Variants in ZFYVE16 observed in about 807,000 individuals in gnomAD.
ZFYVE16 encodes zinc finger FYVE-type containing 16.
Under a neutral mutation model 138.1 loss-of-function variants are expected in ZFYVE16, and 89 were observed. The ratio of observed to expected loss-of-function variants is 0.64; its 90% confidence interval spans 0.54 to 0.77. The LOEUF (loss-of-function observed/expected upper bound fraction) is 0.77, where lower values mean the gene tolerates loss of function less well. Ranked by LOEUF, ZFYVE16 falls within the 30% of genes least tolerant of loss-of-function variation. The pLI is 0.00. For missense variants in ZFYVE16, 1,793 were observed against 1,786.7 expected, an observed-to-expected ratio of 1.00 and a Z score of -0.06; for synonymous variants, 596 against 618.3, an observed-to-expected ratio of 0.96 and a Z score of 0.53.
At chr5:80,465,400 G>GTTTTTTTTTTCTTTTTTTTTT (rs1753601956) in intron 15 of ZFYVE16, among the ~76,000 whole-genome samples, 1 of 26,780 alleles carries the variant, frequency 3.7e-5, no homozygotes, top group African/African-American at 1.0e-4. Context: ...CCTTTTCTTT[G>GTTTTTTTTTTCTTTTTTTTTT]TTTTTTTTTT....
At chr5:80,455,544 A>C (rs1304840392) in intron 11 of ZFYVE16, 148 bp from the exon 12 acceptor site, 2 of 695,672 alleles carry the variant, frequency 2.9e-6, no homozygotes, top group African/African-American at 3.8e-5. Flanking sequence ...AAAAACAAAA[A>C]AAAAATTATC....
intron 7 of ZFYVE16, among the ~76,000 whole-genome samples, chr5:80,446,257 G>T (rs761753565): frequency 3.3e-5 from 5 of 151,840 alleles, no homozygotes; most frequent in Non-Finnish European, 5.9e-5. Context: ...TCAGCTTCAG[G>T]ACCCCTTTAT....
In ZFYVE16 at chr5:80,474,817, T is replaced by C; in HGVS notation, c.4448T>C (p.Ile1483Thr). ...AATAAAATTGGACTCAGAGTTTCCA[T>C]TGACACTGATATGGTGAGGCATGTT... ...GMNKIGLRVSIDTDMVEFQAG... is the reference protein window; with the variant it reads ...GMNKIGLRVSTDTDMVEFQAG... Residue 1483 changes from isoleucine to threonine, a missense_variant, in exon 18 of 19, where the codon ATT becomes ACT. Coordinates refer to ENST00000505560, the MANE Select transcript of ZFYVE16 (RefSeq NM_001284236.3). 1.9e-6 allele frequency: 3 copies of C among 1,612,256 alleles called. No individual in the cohort carries two copies. The highest frequency in any genetic ancestry group is 2.5e-6 in the Non-Finnish European group (3 of 1,179,286).
chr5:80,455,472 T>A (rs1561308559), intron 11 of ZFYVE16: 5 of 445,384 alleles, frequency 1.1e-5, no homozygotes, highest in South Asian at 1.0e-4. Flanking sequence ...AAGTGGAGGT[T>A]GCAATGAGTC....
At chr5:80,461,918 G>C (rs1753164950) in intron 15 of ZFYVE16, among the ~76,000 whole-genome samples, 1 of 152,034 alleles carries the variant, frequency 6.6e-6, no homozygotes, top group Non-Finnish European at 1.5e-5. Flanking sequence ...GTTGCAGTGA[G>C]CTGAGATTGC....
At chr5:80,444,767 A>T (rs890728669) in intron 6 of ZFYVE16, among the ~76,000 whole-genome samples, 1 of 151,752 alleles carries the variant, frequency 6.6e-6, no homozygotes, top group African/African-American at 2.4e-5. Context: ...ATATATATAT[A>T]TGAAGAATAT....
In ZFYVE16 at chr5:80,477,239, T is replaced by G; in HGVS notation, c.4482T>G (p.Ser1494=). Residue 1494 remains serine (S), a synonymous_variant, in exon 19 of 19, where the codon TCT becomes TCG. Transcript: ENST00000505560. Reference sequence around the variant, plus strand: ...TCTAGGTTGAATTTCAGGCAGGATCTGAAGGCCAACTTCTGCCTCAGCATT... The same window carrying G: ...TCTAGGTTGAATTTCAGGCAGGATCGGAAGGCCAACTTCTGCCTCAGCATT... ...DTDMVEFQAG[S]EGQLLPQHYL... is the part of the protein sequence containing the mutation. The G allele has an allele frequency of 6.3e-7, 1 of 1,596,872 alleles. No individual in the cohort carries two copies.
At chr5:80,408,882 A>G (rs568358906) in intron 1 of ZFYVE16, among the ~76,000 whole-genome samples, 9 of 152,342 alleles carry the variant, frequency 5.9e-5, no homozygotes, top group East Asian at 3.9e-4. Context: ...TGTTGATTCA[A>G]TCAGATTCCT....
At chr5:80,416,926 A>G (rs1746343735) in intron 1 of ZFYVE16, among the ~76,000 whole-genome samples, 1 of 151,906 alleles carries the variant, frequency 6.6e-6, no homozygotes, top group Non-Finnish European at 1.5e-5. Context: ...GTTTATACTA[A>G]CCTGTATTAC....
At chr5:80,447,663 T>G (rs1156338244) in intron 7 of ZFYVE16, among the ~76,000 whole-genome samples, 3 of 152,162 alleles carry the variant, frequency 2.0e-5, no homozygotes, top group African/African-American at 7.2e-5. Flanking sequence ...ACCCAAGGGT[T>G]TTTGGCTATC....
rs1755280820 is a variant in ZFYVE16 at position 80,481,799 on chromosome 5, GAA to G, written c.*4426_*4427del. Reference sequence around the variant, plus strand: ...GGTTACCCAAATGTCAGAATTATCAGAAAAAGACTTAAAACTAGTTATTTTAT... The same window carrying G: ...GGTTACCCAAATGTCAGAATTATCAGAAAGACTTAAAACTAGTTATTTTAT... On this transcript the variant is annotated 3_prime_UTR_variant, in exon 19 of 19. Transcript: ENST00000505560. 6.6e-6 allele frequency among the ~76,000 whole-genome samples: 1 copy of G among 152,174 alleles called. No homozygotes were observed. The highest frequency in any genetic ancestry group is 2.4e-5 in the African/African-American group (1 of 41,554).
chr5:80,422,078 C>G (rs371631085), intron 1 of ZFYVE16, among the ~76,000 whole-genome samples: 1 of 152,142 alleles, frequency 6.6e-6, no homozygotes, highest in African/African-American at 2.4e-5. Flanking sequence ...GGAGTTCACT[C>G]ATGATTTGGC....
At chr5:80,426,203 TG>T (rs1180715922) in intron 1 of ZFYVE16, among the ~76,000 whole-genome samples, 1 of 8,410 alleles carries the variant, frequency 1.2e-4, no homozygotes, top group African/African-American at 1.5e-4. Context: ...GTGTGTGTGG[TG>T]TGTGTGTGTG....
At chr5:80,429,497 A>G (rs1748657112) in intron 2 of ZFYVE16, among the ~76,000 whole-genome samples, 1 of 152,334 alleles carries the variant, frequency 6.6e-6, no homozygotes, top group East Asian at 1.9e-4. Flanking sequence ...TGCAAAAAAC[A>G]TGCCAAATTG....
intron 15 of ZFYVE16, among the ~76,000 whole-genome samples, 191 bp from the exon 16 acceptor site, chr5:80,472,570 C>T (rs1754490941): frequency 1.9e-5 from 1 of 53,020 alleles, no homozygotes; most frequent in South Asian, 6.2e-4. Context: ...TTTGTTTTAA[C>T]CTTAAAAAAA....
chr5:80,450,404 A>G lies in ZFYVE16; in HGVS notation c.3227-27A>G, dbSNP rs143903418. On this transcript the variant is annotated intron_variant, in intron 9 of 18. Coordinates refer to ENST00000505560, the MANE Select transcript of ZFYVE16 (RefSeq NM_001284236.3). ...TTTTTGACTAATAGAAGTTGACATTAATAGTTATATTCTTTTATCATCTAA... is the reference window on the plus strand; with the variant it reads ...TTTTTGACTAATAGAAGTTGACATTGATAGTTATATTCTTTTATCATCTAA... 1.7e-4 allele frequency: 268 copies of G among 1,599,970 alleles called. 1 individual carries two copies. In the East Asian group the frequency reaches 5.9e-3, roughly 35 times the overall value.
Position 80,448,387 on chromosome 5 carries a change from C to A in ZFYVE16, c.3086C>A (p.Ser1029Tyr). The A allele has an allele frequency of 6.5e-7, 1 of 1,545,896 alleles. No individual in the cohort carries two copies. The highest frequency in any genetic ancestry group is 8.7e-7 in the Non-Finnish European group (1 of 1,150,188). The change falls in exon 8 of 19, where the codon TCT (serine) becomes TAT (tyrosine). Residue 1029 changes from serine (S) to tyrosine (Y), a missense_variant. By Grantham distance (144) the Ser-to-Tyr change is moderately radical. Transcript: ENST00000505560. ...EDSLPPLLVA[S>Y]GEKGSVPVVE... The stretch of plus-strand genomic sequence containing the variant: ...AGTTTGCCCCCACTTCTGGTTGCAT[C>A]TGGAGAAAAGGGATCAGGTAGGGAA...
At chr5:80,427,834 T>A (rs540980997) in intron 2 of ZFYVE16, among the ~76,000 whole-genome samples, 1 of 151,244 alleles carries the variant, frequency 6.6e-6, no homozygotes, top group African/African-American at 2.4e-5. Flanking sequence ...TAACTGAGCC[T>A]GGTGGCGCAC....
chr5:80,413,828 C>T (rs939260655), intron 1 of ZFYVE16, among the ~76,000 whole-genome samples: 70 of 152,264 alleles, frequency 4.6e-4, no homozygotes, highest in African/African-American at 1.4e-3. Flanking sequence ...AGATATATGG[C>T]GATATCCCCT....
Sources: gnomAD v4.1 joint callset for allele counts (sites outside exome capture counted in the v4.1 genomes callset) on GRCh38, gnomAD v4.1.1 for gene constraint, MANE v1.5 for transcripts, NCBI Gene and HGNC (gene_info 2026-07-23, HGNC 2026-07-21) for gene names.